ALLC: variants seen among roughly 807,000 people sequenced by gnomAD.
ALLC encodes the protein probable inactive allantoicase.
In ALLC, 40 loss-of-function variants were observed where a neutral mutation model predicts 45.0. The ratio of observed to expected loss-of-function variants is 0.89; its 90% CI spans 0.69 to 1.16. The LOEUF is 1.16. Among genes scored for constraint, ALLC ranks in the 50% most tolerant of loss-of-function variants. The pLI is 0.00. For synonymous variants in ALLC, 176 were observed against 178.1 expected, an observed-to-expected ratio of 0.99 and a Z score of 0.09; for missense variants, 488 against 493.1, an observed-to-expected ratio of 0.99 and a Z score of 0.10.
chr2:3,668,226 G>A (rs886254385), intron 1 of ALLC, among the ~76,000 whole-genome samples: 3 of 152,186 alleles, frequency 2.0e-5, no homozygotes, highest in African/African-American at 7.2e-5. Flanking sequence ...TCAGGCAAAA[G>A]CTTGGAGGGA....
chr2:3,653,720 C>A (rs949469262), upstream of ALLC, among the ~76,000 whole-genome samples: 4 of 152,042 alleles, frequency 2.6e-5, no homozygotes, highest in African/African-American at 9.7e-5. The surrounding 1 kb of genome is among the most constrained non-coding windows in gnomAD (Gnocchi z 4.1). Context: ...ACCTCGTTTC[C>A]CTCATCCCGT....
intron 7 of ALLC, among the ~76,000 whole-genome samples, chr2:3,683,722 CACTT>C (rs1476541930): frequency 6.6e-6 from 1 of 152,158 alleles, no homozygotes; most frequent in East Asian, 1.9e-4. Flanking sequence ...CATGTATTAA[CACTT>C]TCTTTCTTTT....
rs768864482 is a variant in ALLC, at chr2:3,681,702, G to GTA, written c.367_368insTA (p.Ala123ValfsTer6). On this transcript the variant is annotated frameshift_variant, in exon 6 of 12. Coordinates refer to ENST00000252505, the MANE Select transcript of ALLC (RefSeq NM_018436.4). LOFTEE classifies it high-confidence loss of function. ...TGCAGCCACTCCTGAGGAGTTTGAA[G>GTA]CCATTGCTGAGGTACATCTCCCCCA... The GTA allele has an allele frequency of 1.9e-5, 31 of 1,609,324 alleles. No individual in the cohort carries two copies. Among genetic ancestry groups the GTA allele is most frequent in the Non-Finnish European group, 2.6e-5 (31 of 1,177,628 alleles).
At chr2:3,649,065 G>A in the ALLC span, among the ~76,000 whole-genome samples, 11 of 152,216 alleles carry the variant, frequency 7.2e-5, no homozygotes, top group East Asian at 9.7e-4. Flanking sequence ...CGCCGTAGAC[G>A]GGTTCATAGA....
chr2:3,658,577 A>G (rs974668520), intron 1 of ALLC, among the ~76,000 whole-genome samples: 54 of 151,668 alleles, frequency 3.6e-4, no homozygotes, highest in African/African-American at 9.0e-4. Context: ...TTAAAAAAAA[A>G]TCTAAAGAGG....
chr2:3,646,645 C>T, the ALLC span, among the ~76,000 whole-genome samples: 24 of 152,184 alleles, frequency 1.6e-4, no homozygotes, highest in African/African-American at 5.1e-4. Context: ...CCCGTCAGAG[C>T]GACCAGGCTT....
At chr2:3,659,638 A>C (rs935998671) in intron 1 of ALLC, among the ~76,000 whole-genome samples, 1 of 152,156 alleles carries the variant, frequency 6.6e-6, no homozygotes, top group Non-Finnish European at 1.5e-5. Flanking sequence ...TCTTGCCTAG[A>C]CCTTGGCTAT....
intron 1 of ALLC, among the ~76,000 whole-genome samples, chr2:3,668,011 C>T (rs949893921): frequency 7.2e-5 from 11 of 152,092 alleles, no homozygotes; most frequent in South Asian, 2.1e-4. Context: ...GTGATCTGCC[C>T]GCCTCGGCCT....
Position 3,702,422 on chromosome 2 carries a change from C to T in ALLC, c.1035C>T (p.Ile345=), listed in dbSNP as rs1558552175. ...TGACCCTAGAGCTCCAAGATGTCAT[C>T]ACTCACGCCAGGCTCACCATCGTCC... The part of the protein sequence containing the change: ...DSLTLELQDV[I]THARLTIVPD... Residue 345 remains isoleucine, a synonymous_variant, in exon 12 of 12, where the codon ATC becomes ATT. Coordinates refer to ENST00000252505, the MANE Select transcript of ALLC (RefSeq NM_018436.4). 2 of 1,613,222 alleles carry T rather than the reference C, an allele frequency of 1.2e-6. No individual in the cohort carries two copies. The highest frequency in any genetic ancestry group is 8.5e-7 in the Non-Finnish European group (1 of 1,179,828).
the ALLC span, among the ~76,000 whole-genome samples, chr2:3,650,694 C>T: frequency 2.0e-5 from 3 of 152,164 alleles, no homozygotes; most frequent in African/African-American, 7.2e-5. Flanking sequence ...AGGCGAGGAG[C>T]TTGGGTACAA....
intron 7 of ALLC, among the ~76,000 whole-genome samples, chr2:3,693,186 TG>T (rs1459681273): frequency 6.6e-6 from 1 of 152,178 alleles, no homozygotes; most frequent in Non-Finnish European, 1.5e-5. Flanking sequence ...TCCAGAGACC[TG>T]AAGTGTTTTC....
At chr2:3,686,439 C>G (rs1667336368) in intron 7 of ALLC, among the ~76,000 whole-genome samples, 1 of 150,716 alleles carries the variant, frequency 6.6e-6, no homozygotes, top group Admixed American at 6.6e-5. Flanking sequence ...CAGGGTCTTT[C>G]ATTTAAATTT....
chr2:3,648,460 C>T, the ALLC span, among the ~76,000 whole-genome samples: 25 of 152,178 alleles, frequency 1.6e-4, no homozygotes, highest in East Asian at 3.9e-4. Flanking sequence ...ACCTGCACGG[C>T]GGCATCCACT....
chr2:3,700,129 T>C (rs1441750463), intron 10 of ALLC, among the ~76,000 whole-genome samples: 1 of 152,222 alleles, frequency 6.6e-6, no homozygotes, highest in African/African-American at 2.4e-5. Context: ...TTTATAGTTT[T>C]GGGTTTTACA....
At chr2:3,692,489 C>T (rs965522723) in intron 7 of ALLC, among the ~76,000 whole-genome samples, 1 of 152,198 alleles carries the variant, frequency 6.6e-6, no homozygotes, top group African/African-American at 2.4e-5. Context: ...ACAAGCTTAG[C>T]TTAGAGAATC....
At chr2:3,672,579 C>T (rs796314091) in intron 2 of ALLC, among the ~76,000 whole-genome samples, 2 of 96,170 alleles carry the variant, frequency 2.1e-5, no homozygotes, top group African/African-American at 9.7e-5. Context: ...GGTCCCCTGG[C>T]TCTGGTTAGA....
chr2:3,684,541 C>T (rs773102609), intron 7 of ALLC, among the ~76,000 whole-genome samples: 1 of 152,098 alleles, frequency 6.6e-6, no homozygotes, highest in Admixed American at 6.6e-5. Flanking sequence ...ACACTGTATC[C>T]AATGTGTAGC....
At chr2:3,657,011 G>C (rs1035682999), upstream of ALLC, among the ~76,000 whole-genome samples, 1 of 152,142 alleles carries the variant, frequency 6.6e-6, no homozygotes, top group Non-Finnish European at 1.5e-5. Flanking sequence ...GGGAAGTCAC[G>C]GCTGACAAGA....
intron 7 of ALLC, among the ~76,000 whole-genome samples, chr2:3,690,583 G>A (rs1010677300): frequency 1.3e-4 from 20 of 150,032 alleles, no homozygotes; most frequent in Admixed American, 4.6e-4. Flanking sequence ...TTACCATGAG[G>A]CTTATAAAAA....
Sources: gnomAD v4.1 joint callset for allele counts (sites outside exome capture counted in the v4.1 genomes callset) on GRCh38, gnomAD v4.1.1 for gene constraint, Gnocchi (gnomAD v3.1) non-coding constraint, MANE v1.5 for transcripts, NCBI Gene and HGNC (gene_info 2026-07-23, HGNC 2026-07-21) for gene names.